The following MGAT5 variants were observed in gnomAD, a reference collection of about 807,000 sequenced individuals.
MGAT5 encodes the protein alpha-1,6-mannosylglycoprotein 6-beta-N-acetylglucosaminyltransferase A.
Under a neutral mutation model 94.3 loss-of-function variants are expected in MGAT5, and 30 were observed. The observed-to-expected ratio is 0.32, with a 90% CI of 0.24 to 0.43. The LOEUF (loss-of-function observed/expected upper bound fraction) is 0.43. Among genes scored for constraint, MGAT5 ranks in the 20% least tolerant of loss-of-function variants. The pLI is 1.00. For missense variants in MGAT5, 691 were observed against 905.5 expected (o/e 0.76, Z 3.04); for synonymous variants, 310 against 322.9 (o/e 0.96, Z 0.43).
chr2:134,436,174 C>T (rs749977481), intron 14 of MGAT5, among the ~76,000 whole-genome samples: 7 of 152,154 alleles, frequency 4.6e-5, no homozygotes, highest in Non-Finnish European at 1.0e-4. Context: ...TGGCATCATC[C>T]TCATTTTATG....
At chr2:134,434,705 C>A (rs1218533959) in intron 14 of MGAT5, among the ~76,000 whole-genome samples, 1 of 152,040 alleles carries the variant, frequency 6.6e-6, no homozygotes, top group African/African-American at 2.4e-5. Flanking sequence ...GATGGCCTTC[C>A]CTATCTCCTG....
At chr2:134,167,141 G>T (rs1489654240) in intron 1 of MGAT5, among the ~76,000 whole-genome samples, 1 of 152,148 alleles carries the variant, frequency 6.6e-6, no homozygotes, top group Admixed American at 6.5e-5. Flanking sequence ...TTACTGATTT[G>T]TTCCTGTAAT....
intron 2 of MGAT5, among the ~76,000 whole-genome samples, chr2:134,300,678 T>C (rs1299135656): frequency 6.6e-6 from 1 of 152,172 alleles, no homozygotes; most frequent in African/African-American, 2.4e-5. Context: ...CCTTTAGCAC[T>C]GCCAGCCCAC....
At chr2:134,200,880 C>G (rs927422261) in intron 1 of MGAT5, among the ~76,000 whole-genome samples, 3 of 152,030 alleles carry the variant, frequency 2.0e-5, no homozygotes, top group Non-Finnish European at 2.9e-5. Flanking sequence ...AAAAAATTAG[C>G]CCAGTGTTGT....
chr2:134,219,155 G>A (rs1170551408), intron 1 of MGAT5, among the ~76,000 whole-genome samples: 1 of 152,120 alleles, frequency 6.6e-6, no homozygotes, highest in East Asian at 1.9e-4. Flanking sequence ...GCCACCTGTC[G>A]GGGTGCAGCG....
intron 2 of MGAT5, among the ~76,000 whole-genome samples, chr2:134,303,328 CAT>C (rs1236220261): frequency 7.2e-5 from 11 of 152,094 alleles, no homozygotes; most frequent in African/African-American, 2.4e-4. Flanking sequence ...TGTTTCTCCA[CAT>C]GTTTAATAAT....
At chr2:134,133,574 G>A (rs536032516) in intron 1 of MGAT5, among the ~76,000 whole-genome samples, 2 of 152,280 alleles carry the variant, frequency 1.3e-5, no homozygotes, top group African/African-American at 4.8e-5. Context: ...CCCCCAAATA[G>A]GGTCCTTTTA....
intron 12 of MGAT5, among the ~76,000 whole-genome samples, chr2:134,419,278 C>T (rs1574061064): frequency 6.6e-6 from 1 of 152,102 alleles, no homozygotes; most frequent in South Asian, 2.1e-4. Flanking sequence ...ATGATGTCTA[C>T]TCAGAGGGAG....
chr2:134,404,892 A>G (rs568028230), intron 11 of MGAT5, among the ~76,000 whole-genome samples: 1 of 152,312 alleles, frequency 6.6e-6, no homozygotes, highest in East Asian at 1.9e-4. Flanking sequence ...TTTCAGAATC[A>G]TCAGAATGTC....
intron 1 of MGAT5, among the ~76,000 whole-genome samples, chr2:134,142,097 A>T (rs189635643): frequency 3.9e-5 from 6 of 152,190 alleles, no homozygotes; most frequent in Admixed American, 2.0e-4. Context: ...GTGCAAGGGG[A>T]GGCTGACGCT....
intron 11 of MGAT5, 125 bp downstream of exon 11, chr2:134,403,262 T>C (rs1032559293): frequency 5.3e-6 from 5 of 948,856 alleles, no homozygotes; most frequent in Non-Finnish European, 7.6e-6. Flanking sequence ...GGGCAGCAGT[T>C]TGCTAGACCA....
At chr2:134,407,606 T>A (rs1683416083) in intron 11 of MGAT5, among the ~76,000 whole-genome samples, 1 of 152,174 alleles carries the variant, frequency 6.6e-6, no homozygotes, top group Non-Finnish European at 1.5e-5. Flanking sequence ...AAGTATAATA[T>A]TAAGTACTAG....
In MGAT5 at chr2:134,444,235, C is replaced by T. The variant is rs562050308; in HGVS notation, c.2027+2320C>T. ...TAGGCCCGAGGCCACTGAGCCAAGA[C>T]GGATAAGCCAGCCCCAGCCCTGGCC... On this transcript the variant is annotated intron_variant, in intron 15 of 15. Transcript: ENST00000281923. Among the ~76,000 whole-genome samples the T allele has an allele frequency of 1.2e-4, 18 of 152,290 alleles. No homozygotes were observed. In the East Asian group the frequency reaches 3.1e-3, roughly 26 times the overall value.
chr2:134,270,312 G>A (rs565021819), intron 1 of MGAT5, 74 bp from the exon 2 acceptor site: 2 of 1,416,056 alleles, frequency 1.4e-6, no homozygotes, highest in Non-Finnish European at 1.9e-6. Context: ...TGTTCTCCAC[G>A]ATAAAGAGAG....
chr2:134,440,732 C>T (rs762388190), intron 14 of MGAT5, among the ~76,000 whole-genome samples: 4 of 151,932 alleles, frequency 2.6e-5, no homozygotes, highest in East Asian at 3.9e-4. Context: ...GGCCTGATTG[C>T]GGTGCCATGT....
At chr2:134,187,063 A>G (rs947846690) in intron 1 of MGAT5, among the ~76,000 whole-genome samples, 1 of 152,178 alleles carries the variant, frequency 6.6e-6, no homozygotes, top group African/African-American at 2.4e-5. Flanking sequence ...TTGAGGCAGG[A>G]ACAAACTTGA....
At chr2:134,276,379 G>A (rs1000215286) in intron 2 of MGAT5, among the ~76,000 whole-genome samples, 8 of 152,096 alleles carry the variant, frequency 5.3e-5, no homozygotes, top group Non-Finnish European at 1.2e-4. Context: ...CACTAATTCC[G>A]GATAACAATG....
chr2:134,192,514 T>G (rs573130095), intron 1 of MGAT5, among the ~76,000 whole-genome samples: 71 of 152,260 alleles, frequency 4.7e-4, no homozygotes, highest in African/African-American at 1.7e-3. Context: ...TCAGTACAAT[T>G]TTACTGAAAG....
chr2:134,263,738 T>C (rs1683482029), intron 1 of MGAT5, among the ~76,000 whole-genome samples: 2 of 152,192 alleles, frequency 1.3e-5, no homozygotes. Flanking sequence ...TACAATTCAT[T>C]GTACTATGTA....
Sources: gnomAD v4.1 joint callset for allele counts (sites outside exome capture counted in the v4.1 genomes callset) on GRCh38, gnomAD v4.1.1 for gene constraint, MANE v1.5 for transcripts, NCBI Gene and HGNC (gene_info 2026-07-23, HGNC 2026-07-21) for gene names.